Variants in GNAO1 observed in about 807,000 individuals in gnomAD.
GNAO1 encodes the protein G protein subunit alpha o1.
For missense variants in GNAO1, 166 were observed against 478.7 expected (o/e 0.35, Z 6.10); for synonymous variants, 164 against 180.7 (o/e 0.91, Z 0.74).
intron 2 of GNAO1, chr16:56,194,338 G>A (rs1327783579): frequency 2.2e-6 from 1 of 447,690 alleles, no homozygotes; most frequent in Non-Finnish European, 4.5e-6. Context: ...AGCCCTTGCA[G>A]ATCTGTAAAT....
At chr16:56,281,357 T>A (rs1312187839) in intron 3 of GNAO1, among the ~76,000 whole-genome samples, 1 of 152,144 alleles carries the variant, frequency 6.6e-6, no homozygotes, top group East Asian at 1.9e-4. Flanking sequence ...CTCCCACATC[T>A]GTCCCACCCC....
chr16:56,286,654 G>GTC lies in GNAO1; in HGVS notation c.303+10597_303+10598dup, dbSNP rs142417530. On this transcript the variant is annotated intron_variant, in intron 3 of 8. Transcript: ENST00000262493. ...TCTGAGCAACCACCAAGTCCTGCAA[G>GTC]TCTCTCTCTCTCTCTCAGTCTCTTT... Among the ~76,000 whole-genome samples the GTC allele has an allele frequency of 1.1e-3, 169 of 150,916 alleles. 3 individuals are homozygous for GTC. Among genetic ancestry groups the GTC allele is most frequent in the African/African-American group, 3.7e-3 (154 of 41,152 alleles).
intron 6 of GNAO1, among the ~76,000 whole-genome samples, 191 bp downstream of exon 6, chr16:56,337,051 C>T (rs2037747177): frequency 1.3e-5 from 2 of 152,260 alleles, no homozygotes; most frequent in African/African-American, 4.8e-5. Context: ...AAGGCAAATG[C>T]CTCATGATGC....
chr16:56,208,936 T>C (rs1373249880), intron 2 of GNAO1, among the ~76,000 whole-genome samples: 4 of 152,204 alleles, frequency 2.6e-5, no homozygotes, highest in African/African-American at 9.6e-5. Context: ...GGCTTGTCTT[T>C]TCACTTTGTT....
At chr16:56,243,207 TG>T (rs1363755173) in intron 2 of GNAO1, among the ~76,000 whole-genome samples, 2 of 151,998 alleles carry the variant, frequency 1.3e-5, no homozygotes, top group East Asian at 3.8e-4. Flanking sequence ...TATATAGCAA[TG>T]TAATAATAAT....
rs1385279495 is a variant in GNAO1 at position 56,326,831 on chromosome 16, T to C, written c.304-1800T>C. Among the ~76,000 whole-genome samples, 8 of 152,240 alleles carry C rather than the reference T, an allele frequency of 5.3e-5. No homozygotes were observed. The highest frequency in any genetic ancestry group is 7.3e-5 in the Non-Finnish European group (5 of 68,040). ...TGCGTTGGACATTAAAGGCTGTGGC[T>C]GCCTCAGACGGAGCACATATCTTCC... On this transcript the variant is annotated intron_variant, in intron 3 of 8. Transcript: ENST00000262493. This position sits in a 1 kb window ranked among gnomAD's most constrained non-coding sequence, Gnocchi z 4.8.
chr16:56,212,824 T>C (rs749865591), intron 2 of GNAO1, among the ~76,000 whole-genome samples: 2 of 152,242 alleles, frequency 1.3e-5, no homozygotes, highest in Non-Finnish European at 2.9e-5. Context: ...TCACAGAAAT[T>C]ACTGGACAGG....
intron 6 of GNAO1, chr16:56,347,413 C>T: frequency 1.0e-6 from 1 of 985,542 alleles, no homozygotes; most frequent in Non-Finnish European, 1.2e-6. Flanking sequence ...TGAGCTGCTG[C>T]CGTGGGGTCT....
chr16:56,246,795 G>A (rs970100554), intron 2 of GNAO1, among the ~76,000 whole-genome samples: 2 of 152,016 alleles, frequency 1.3e-5, no homozygotes, highest in Non-Finnish European at 2.9e-5. Context: ...CCCTTTCCCA[G>A]AATGCCTCTC....
chr16:56,324,337 G>C (rs1385687459), intron 3 of GNAO1, among the ~76,000 whole-genome samples: 2 of 152,104 alleles, frequency 1.3e-5, no homozygotes, highest in Admixed American at 1.3e-4. Context: ...GGAAGGTCTT[G>C]CCTCGCAGGC....
intron 3 of GNAO1, among the ~76,000 whole-genome samples, chr16:56,286,934 T>A (rs1472638075): frequency 1.3e-5 from 2 of 152,048 alleles, no homozygotes; most frequent in African/African-American, 4.8e-5. Context: ...CTCCTTGCCA[T>A]TGGGGCTACC....
chr16:56,334,675 C>G, intron 4 of GNAO1, 54 bp from the exon 5 acceptor site: 1 of 1,600,216 alleles, frequency 6.2e-7, no homozygotes, highest in Non-Finnish European at 8.5e-7. Context: ...CTGGCCAGTC[C>G]CGAACAGTGT....
rs1387749542 is a variant in GNAO1 at position 56,311,582 on chromosome 16, G to A, written c.304-17049G>A. The stretch of plus-strand genomic sequence containing the variant: ...CTTGGCTGGAGCAGGCCACCCACCT[G>A]GCCCTGCGCTGAACTGAGAACCCGA... On this transcript the variant is annotated intron_variant, in intron 3 of 8. Transcript: ENST00000262493. This position sits in a 1 kb window ranked among gnomAD's most constrained non-coding sequence, Gnocchi z 5.2. Among the ~76,000 whole-genome samples, 2 of 152,148 alleles carry A rather than the reference G, an allele frequency of 1.3e-5. No individual in the cohort carries two copies. The highest frequency in any genetic ancestry group is 4.8e-5 in the African/African-American group (2 of 41,432).
intron 3 of GNAO1, among the ~76,000 whole-genome samples, chr16:56,299,374 G>T (rs189457386): frequency 2.6e-5 from 4 of 152,222 alleles, no homozygotes; most frequent in Admixed American, 1.3e-4. Context: ...TGCTTCCTCC[G>T]ATCTGCTGCG....
At chr16:56,314,043 C>T (rs2037484924) in intron 3 of GNAO1, among the ~76,000 whole-genome samples, 1 of 152,164 alleles carries the variant, frequency 6.6e-6, no homozygotes. Context: ...TTTTTAACAC[C>T]ATTTTGGTCA....
intron 6 of GNAO1, among the ~76,000 whole-genome samples, chr16:56,348,781 A>T (rs1407253049): frequency 1.3e-5 from 2 of 149,346 alleles, no homozygotes; most frequent in Non-Finnish European, 3.0e-5. Context: ...GCCCTGCAGG[A>T]TCTCCCCTCC....
At chr16:56,279,014 G>A (rs1360039839) in intron 3 of GNAO1, among the ~76,000 whole-genome samples, 3 of 152,072 alleles carry the variant, frequency 2.0e-5, no homozygotes, top group Admixed American at 1.3e-4. Context: ...GTCCAGATCC[G>A]TGTTTTGGTC....
At chr16:56,218,373 G>A (rs768091760) in intron 2 of GNAO1, among the ~76,000 whole-genome samples, 15 of 152,216 alleles carry the variant, frequency 9.9e-5, no homozygotes, top group Admixed American at 2.6e-4. Context: ...GGTTCTTGCA[G>A]GGATGTTGAG....
At position 56,354,901 on chromosome 16, in the gene GNAO1, C is replaced by G; in HGVS notation, c.913C>G (p.Gln305Glu). Reference protein sequence around the residue: ...NTYEDAAAYIQAQFESKNRSP... With the variant: ...NTYEDAAAYIEAQFESKNRSP... ...CTATGAAGACGCAGCCGCCTACATC[C>G]AAGCACAATTTGAAAGCAAAAACCG... is the stretch of plus-strand genomic sequence containing the variant. Residue 305 changes from glutamine to glutamate, a missense_variant, in exon 8 of 9, where the codon CAA (glutamine) becomes GAA (glutamate). Coordinates refer to ENST00000262493, the MANE Select transcript of GNAO1 (RefSeq NM_020988.3). The surrounding 1 kb of genome is among the most constrained non-coding windows in gnomAD (Gnocchi z 4.3). 6.2e-7 allele frequency: 1 copy of G among 1,613,354 alleles called. No homozygotes were observed. Among genetic ancestry groups the G allele is most frequent in the Non-Finnish European group, 8.5e-7 (1 of 1,179,484 alleles).
Sources: gnomAD v4.1 joint callset for allele counts (sites outside exome capture counted in the v4.1 genomes callset) on GRCh38, gnomAD v4.1.1 for gene constraint, Gnocchi (gnomAD v3.1) non-coding constraint, MANE v1.5 for transcripts, NCBI Gene and HGNC (gene_info 2026-07-23, HGNC 2026-07-21) for gene names.